WBP11: variants seen among roughly 807,000 people sequenced by gnomAD.
WBP11 encodes the protein WW domain-binding protein 11.
A neutral mutation model predicts 66.7 loss-of-function variants in WBP11; 12 were observed. The observed-to-expected ratio is 0.18, with a 90% CI of 0.12 to 0.29. The LOEUF (loss-of-function observed/expected upper bound fraction) is 0.29, where lower values mean the gene tolerates loss of function less well. Among genes scored for constraint, WBP11 ranks in the 10% least tolerant of loss-of-function variants. The pLI, the probability that WBP11 is intolerant of heterozygous loss-of-function variation, is 1.00. For missense variants in WBP11, 555 were observed against 818.3 expected, an observed-to-expected ratio of 0.68 and a Z score of 3.93; for synonymous variants, 255 against 273.8, an observed-to-expected ratio of 0.93 and a Z score of 0.68.
chr12:14,793,815 C>T lies in WBP11; in HGVS notation c.829G>A (p.Asp277Asn), dbSNP rs139628348. 1.5e-5 allele frequency: 24 copies of T among 1,613,982 alleles called. No individual in the cohort carries two copies. The African/African-American group carries it at 2.5e-4, about 17-fold the overall frequency. Residue 277 changes from aspartate (D) to asparagine (N), a missense_variant, in exon 8 of 12, where the codon GAC (aspartate) becomes AAC (asparagine). By Grantham distance (23) the Asp-to-Asn change is conservative. Transcript: ENST00000261167. ...CCGTCACTTTCTCCATCTGATTTGTCGGTGTCACTGTCATCAGTACTGTCA... is the reference window on the plus strand; with the variant it reads ...CCGTCACTTTCTCCATCTGATTTGTTGGTGTCACTGTCATCAGTACTGTCA... ...HDDSTDDSDT[D>N]KSDGESDGDE...
chr12:14,790,731 T>C lies in WBP11; in HGVS notation c.1034A>G (p.Glu345Gly), dbSNP rs1359734376. 13 of 1,612,904 alleles carry C rather than the reference T, an allele frequency of 8.1e-6. No homozygotes were observed. The highest frequency in any genetic ancestry group is 1.3e-5 in the African/African-American group (1 of 74,860). Reference sequence around the variant, plus strand: ...TGAAAATTCCTCTACTTCCCGTCCCTCCTCAGGGATTTCTTGACCTGAAAG... The same window carrying C: ...TGAAAATTCCTCTACTTCCCGTCCCCCCTCAGGGATTTCTTGACCTGAAAG... ...LRMAGQEIPEEGREVEEFSED... is the reference protein window; with the variant it reads ...LRMAGQEIPEGGREVEEFSED... The change falls in exon 10 of 12, where the codon GAG (glutamate) becomes GGG (glycine). Residue 345 changes from glutamate to glycine, a missense_variant. By Grantham distance (98) the Glu-to-Gly change is moderately conservative. This residue lies in a region of WBP11 where 230 missense variants were observed against 286.3 expected (regional missense o/e 0.80). Transcript: ENST00000261167.
At position 14,787,469 on chromosome 12, in the gene WBP11, G is replaced by T. The variant is rs758771708; in HGVS notation, c.1522C>A (p.Arg508Ser). 6.6e-7 allele frequency: 1 copy of T among 1,517,364 alleles called. No homozygotes were observed. 94.0% of individuals were successfully genotyped at this position (1,517,364 alleles called of 1,614,324 possible). A position where few individuals can be genotyped will look rare whatever the true frequency, so the allele number is the denominator to read the frequency against. ...CCAAGGGGAGGCACCAAAGGTGGGCGCATCATGCCAGGACGAGGTGGAGGA... is the reference window on the plus strand; with the variant it reads ...CCAAGGGGAGGCACCAAAGGTGGGCTCATCATGCCAGGACGAGGTGGAGGA... The part of the protein sequence containing the change: ...GIPPPRPGMM[R>S]PPLVPPLGPA... The change falls in exon 12 of 12, where the codon CGC becomes AGC. Residue 508 changes from arginine to serine, a missense_variant. Physicochemically the swap from Arg to Ser is moderately radical, Grantham distance 110. This residue lies in a region of WBP11 where 230 missense variants were observed against 286.3 expected (regional missense o/e 0.80). Coordinates refer to ENST00000261167, the MANE Select transcript of WBP11 (RefSeq NM_016312.3).
At chr12:14,797,769 G>C (rs868540595) in intron 4 of WBP11, among the ~76,000 whole-genome samples, 1 of 152,164 alleles carries the variant, frequency 6.6e-6, no homozygotes, top group Non-Finnish European at 1.5e-5. Flanking sequence ...GTGTTATGTA[G>C]AGAGAAAACA....
At chr12:14,792,747 C>T (rs1330758771) in intron 8 of WBP11, among the ~76,000 whole-genome samples, 2 of 151,230 alleles carry the variant, frequency 1.3e-5, no homozygotes, top group South Asian at 2.1e-4. Flanking sequence ...GCAGGAGAAT[C>T]GCTTGAACCT....
chr12:14,800,042 T>C lies in WBP11; in HGVS notation c.97-314A>G, dbSNP rs549401108. 5.3e-5 allele frequency among the ~76,000 whole-genome samples: 8 copies of C among 152,276 alleles called. No homozygotes were observed. The South Asian group carries it at 1.7e-3, about 32-fold the overall frequency. On this transcript the variant is annotated intron_variant, in intron 3 of 11. Coordinates refer to ENST00000261167, the MANE Select transcript of WBP11 (RefSeq NM_016312.3). The stretch of plus-strand genomic sequence containing the variant: ...TGTTCTTGAAGACCTTGGGTGATTG[T>C]TCCTGCCCCCTGTTGTAAAACCTCT...
chr12:14,803,238 A>G (rs1197397275), intron 1 of WBP11, 114 bp downstream of exon 1: 5 of 393,002 alleles, frequency 1.3e-5, no homozygotes, highest in Non-Finnish European at 2.2e-5. Context: ...GGAGACCTCA[A>G]CCAGGGAGAG....
chr12:14,791,110 T>C (rs922358614), intron 9 of WBP11, 59 bp downstream of exon 9: 3 of 1,502,514 alleles, frequency 2.0e-6, no homozygotes, highest in Non-Finnish European at 2.8e-6. Flanking sequence ...AAAACGTATG[T>C]AAAGTAATTA....
intron 1 of WBP11, among the ~76,000 whole-genome samples, chr12:14,802,852 T>A (rs1194914785): frequency 6.6e-6 from 1 of 151,982 alleles, no homozygotes; most frequent in African/African-American, 2.4e-5. Context: ...CTGAATCTCC[T>A]CCCCCACAAA....
At chr12:14,790,384 A>C in intron 10 of WBP11, 72 bp downstream of exon 10, 1 of 1,527,340 alleles carries the variant, frequency 6.5e-7, no homozygotes, top group Non-Finnish European at 8.9e-7. Flanking sequence ...AACACTAACA[A>C]CACATAGTAT....
intron 2 of WBP11, 27 bp downstream of exon 2, chr12:14,801,293 C>G (rs1289599447): frequency 6.2e-7 from 1 of 1,610,412 alleles, no homozygotes; most frequent in Non-Finnish European, 8.5e-7. Context: ...TCTCCTACTT[C>G]ATCATTCCAC....
intron 8 of WBP11, among the ~76,000 whole-genome samples, chr12:14,792,826 T>G (rs1002371344): frequency 6.8e-6 from 1 of 146,276 alleles, no homozygotes; most frequent in African/African-American, 2.6e-5. Context: ...AGAGTGAGAT[T>G]GTCTCAAAAA....
rs546649911 is a variant in WBP11, at chr12:14,801,435, A to G, written c.-45-7T>C. On this transcript the variant is annotated splice_region_variant and splice_polypyrimidine_tract_variant and intron_variant, in intron 1 of 11. Transcript: ENST00000261167. ...TCATTAAAAAAAGAAAAACCTGTGA[A>G]GGTGAAGACAAAGAAATAGCTTATA... is the stretch of plus-strand genomic sequence containing the variant. The G allele has an allele frequency of 6.4e-7, 1 of 1,560,154 alleles. No homozygotes were observed. The highest frequency in any genetic ancestry group is 1.7e-5 in the Admixed American group (1 of 59,164).
intron 8 of WBP11, among the ~76,000 whole-genome samples, chr12:14,792,864 C>G (rs1180974193): frequency 6.6e-6 from 1 of 150,952 alleles, no homozygotes; most frequent in African/African-American, 2.4e-5. Context: ...GAAAAAAAAT[C>G]TGTAGGCAGA....
intron 4 of WBP11, among the ~76,000 whole-genome samples, chr12:14,798,052 G>T (rs902589647): frequency 6.6e-6 from 1 of 152,036 alleles, no homozygotes. Flanking sequence ...TTTATAAATT[G>T]TAACTAGACC....
chr12:14,801,176 A>G (rs1949957765), intron 2 of WBP11, 144 bp downstream of exon 2: 1 of 691,480 alleles, frequency 1.4e-6, no homozygotes, highest in East Asian at 2.6e-5. Context: ...TAAAGTCTTA[A>G]TGTGCCCATA....
In WBP11 at chr12:14,796,479, T is replaced by C. The variant is rs1949895545; in HGVS notation, c.387+328A>G. On this transcript the variant is annotated intron_variant, in intron 5 of 11. Transcript: ENST00000261167. This position sits in a 1 kb window ranked among gnomAD's most constrained non-coding sequence, Gnocchi z 4.5. Reference sequence around the variant, plus strand: ...GCATCCCTAATCTGAATATCTAAAATGCTCCAAAATCCTAAACTTTTTGAC... The same window carrying C: ...GCATCCCTAATCTGAATATCTAAAACGCTCCAAAATCCTAAACTTTTTGAC... Among the ~76,000 whole-genome samples the C allele has an allele frequency of 6.6e-6, 1 of 152,154 alleles. No homozygotes were observed.
At chr12:14,794,238 C>T (rs759156843) in intron 7 of WBP11, among the ~76,000 whole-genome samples, 3 of 152,170 alleles carry the variant, frequency 2.0e-5, no homozygotes, top group Non-Finnish European at 2.9e-5. Context: ...TATACAATGA[C>T]GCTCTAGTCT....
chr12:14,797,036 TAA>T (rs1949901619), intron 4 of WBP11, 33 bp from the exon 5 acceptor site: 1 of 1,527,944 alleles, frequency 6.5e-7, no homozygotes, highest in South Asian at 1.3e-5. Context: ...GAATTAAATA[TAA>T]GAGGCCACTT....
intron 8 of WBP11, 69 bp from the exon 9 acceptor site, chr12:14,791,339 C>T (rs951263149): frequency 1.5e-6 from 2 of 1,316,290 alleles, no homozygotes; most frequent in Non-Finnish European, 2.2e-6. Context: ...TACTACGTAG[C>T]ACTATAAAGT....
Sources: gnomAD v4.1 joint callset for allele counts (sites outside exome capture counted in the v4.1 genomes callset) on GRCh38, gnomAD v4.1.1 for gene constraint, gnomAD v4.1.1 regional missense constraint, Gnocchi (gnomAD v3.1) non-coding constraint, MANE v1.5 for transcripts, NCBI Gene and HGNC (gene_info 2026-07-23, HGNC 2026-07-21) for gene names.